Variants in TMTC1 observed in about 807,000 individuals in gnomAD.
TMTC1 encodes the protein transmembrane O-mannosyltransferase targeting cadherins 1, also known as protein O-mannosyl-transferase TMTC1.
Under a neutral mutation model 104.8 loss-of-function variants are expected in TMTC1, and 73 were observed. The observed-to-expected ratio is 0.70, with a 90% CI of 0.58 to 0.85. The LOEUF (loss-of-function observed/expected upper bound fraction) is 0.85, where lower values mean the gene tolerates loss of function less well. Among genes scored for constraint, TMTC1 ranks in the 40% least tolerant of loss-of-function variants. TMTC1 has a pLI of 0.00. For synonymous variants in TMTC1, 434 were observed against 428.7 expected (o/e 1.01, Z -0.15); for missense variants, 1,035 against 1,096.1 (o/e 0.94, Z 0.79).
intron 5 of TMTC1, among the ~76,000 whole-genome samples, chr12:29,738,290 A>G (rs967288299): frequency 1.7e-4 from 26 of 152,334 alleles, no homozygotes; most frequent in Admixed American, 1.7e-3. Context: ...TGTTAAATGT[A>G]AACAAGGAAG....
chr12:29,672,670 C>G (rs1309159933), intron 5 of TMTC1, among the ~76,000 whole-genome samples: 1 of 152,176 alleles, frequency 6.6e-6, no homozygotes, highest in Non-Finnish European at 1.5e-5. Context: ...TTCACATGCT[C>G]TGAAGCAACT....
chr12:29,771,601 G>T (rs948092537), intron 1 of TMTC1, among the ~76,000 whole-genome samples: 19 of 152,160 alleles, frequency 1.2e-4, no homozygotes, highest in Non-Finnish European at 2.6e-4. Flanking sequence ...ATTAAACAGC[G>T]AATTAAATGT....
At chr12:29,541,306 G>A (rs1400918929) in intron 10 of TMTC1, among the ~76,000 whole-genome samples, 1 of 152,092 alleles carries the variant, frequency 6.6e-6, no homozygotes, top group Non-Finnish European at 1.5e-5. Context: ...CCACTATATG[G>A]TAGTTAAAAG....
intron 6 of TMTC1, among the ~76,000 whole-genome samples, chr12:29,614,860 CT>C (rs1330681308): frequency 1.3e-5 from 2 of 152,172 alleles, no homozygotes; most frequent in Admixed American, 1.3e-4. Context: ...AAACTTGTTT[CT>C]TCAACAAGCC....
At chr12:29,548,690 T>C (rs1945006652) in intron 10 of TMTC1, among the ~76,000 whole-genome samples, 1 of 151,538 alleles carries the variant, frequency 6.6e-6, no homozygotes, top group Non-Finnish European at 1.5e-5. Flanking sequence ...GTCTCAGGTA[T>C]GTCTTTATTA....
At chr12:29,660,447 T>TAA (rs1372407421) in intron 5 of TMTC1, among the ~76,000 whole-genome samples, 1 of 152,166 alleles carries the variant, frequency 6.6e-6, no homozygotes, top group East Asian at 1.9e-4. Flanking sequence ...GTTGTTATAT[T>TAA]TAAGCCACTA....
intron 10 of TMTC1, among the ~76,000 whole-genome samples, chr12:29,549,909 AT>A (rs1483795651): frequency 6.6e-6 from 1 of 152,026 alleles, no homozygotes; most frequent in Non-Finnish European, 1.5e-5. Flanking sequence ...TCAGATTTGT[AT>A]TTTTTTCCTC....
intron 5 of TMTC1, among the ~76,000 whole-genome samples, chr12:29,700,638 T>C (rs1446716711): frequency 6.6e-6 from 1 of 152,196 alleles, no homozygotes; most frequent in Non-Finnish European, 1.5e-5. Flanking sequence ...GATGATAGCA[T>C]GGCTTACTAA....
chr12:29,738,664 T>TA (rs1436181914), intron 5 of TMTC1, among the ~76,000 whole-genome samples: 3 of 152,240 alleles, frequency 2.0e-5, no homozygotes, highest in Non-Finnish European at 4.4e-5. Flanking sequence ...ATGATGATTT[T>TA]AGTCAGAAAC....
intron 1 of TMTC1, among the ~76,000 whole-genome samples, chr12:29,773,636 C>A: frequency 6.6e-6 from 1 of 152,054 alleles, no homozygotes; most frequent in Non-Finnish European, 1.5e-5. Flanking sequence ...CTGGAGTTTT[C>A]CTGGAATAAA....
intron 2 of TMTC1, among the ~76,000 whole-genome samples, chr12:29,767,331 G>A (rs1943489444): frequency 6.6e-6 from 1 of 152,148 alleles, no homozygotes; most frequent in African/African-American, 2.4e-5. Flanking sequence ...CAGTATGTAA[G>A]GCTCCTAAGT....
chr12:29,520,634 A>C lies in TMTC1; in HGVS notation c.1872T>G (p.Val624=). The change falls in exon 12 of 18, where the codon GTT becomes GTG. Residue 624 remains valine (V), a synonymous_variant. Coordinates refer to ENST00000539277, the MANE Select transcript of TMTC1 (RefSeq NM_001193451.2). Reference sequence around the variant, plus strand: ...TTCACTTACCAGTATCAACTAAGAAAACCCCATAGTTGTTGTGTAAATCTG... The same window carrying C: ...TTCACTTACCAGTATCAACTAAGAACACCCCATAGTTGTTGTGTAAATCTG... ...DSSDLHNNYG[V]FLVDTGLPEK... The C allele has an allele frequency of 6.2e-7, 1 of 1,612,468 alleles. No individual in the cohort carries two copies.
intron 10 of TMTC1, among the ~76,000 whole-genome samples, chr12:29,541,598 G>A (rs1944798076): frequency 6.6e-6 from 1 of 150,648 alleles, no homozygotes; most frequent in Middle Eastern, 3.5e-3. Flanking sequence ...AAAAGCTTGG[G>A]TTACACATCA....
intron 7 of TMTC1, among the ~76,000 whole-genome samples, chr12:29,600,731 TC>T (rs1002123871): frequency 1.5e-4 from 23 of 152,172 alleles, no homozygotes; most frequent in African/African-American, 5.5e-4. Context: ...CCTCTAAGGG[TC>T]AGGAAAGCAC....
chr12:29,623,847 A>AAATT (rs1334531396), intron 6 of TMTC1, among the ~76,000 whole-genome samples: 1 of 152,088 alleles, frequency 6.6e-6, no homozygotes, highest in Non-Finnish European at 1.5e-5. Flanking sequence ...AAATTAAATT[A>AAATT]AATTAAATTA....
In TMTC1 at chr12:29,647,020, C is replaced by T. The variant is rs528039031; in HGVS notation, c.939-13684G>A. ...ATACAGAACAGCTTCAGCTTCGTTTCGAAAAAACATGTTTCTTTTTGAGAC... is the reference window on the plus strand; with the variant it reads ...ATACAGAACAGCTTCAGCTTCGTTTTGAAAAAACATGTTTCTTTTTGAGAC... On this transcript the variant is annotated intron_variant, in intron 5 of 17. Coordinates refer to ENST00000539277, the MANE Select transcript of TMTC1 (RefSeq NM_001193451.2). Among the ~76,000 whole-genome samples the T allele has an allele frequency of 6.6e-5, 10 of 152,172 alleles. No individual in the cohort carries two copies. The East Asian group carries it at 9.7e-4, about 15-fold the overall frequency.
At chr12:29,582,596 G>A (rs1263451578) in intron 8 of TMTC1, among the ~76,000 whole-genome samples, 2 of 152,106 alleles carry the variant, frequency 1.3e-5, no homozygotes, top group Non-Finnish European at 2.9e-5. Flanking sequence ...GGGTGTGCCG[G>A]GTTCTTCACT....
At chr12:29,594,313 G>C (rs2136365527) in intron 7 of TMTC1, among the ~76,000 whole-genome samples, 1 of 152,354 alleles carries the variant, frequency 6.6e-6, no homozygotes, top group South Asian at 2.1e-4. Context: ...CACTTTGGAA[G>C]CAAAGGCATA....
At chr12:29,724,173 T>A (rs1309252641) in intron 5 of TMTC1, among the ~76,000 whole-genome samples, 2 of 152,110 alleles carry the variant, frequency 1.3e-5, no homozygotes, top group South Asian at 4.1e-4. Context: ...CATTAGTAAT[T>A]AGGGAAAAAC....
Sources: allele counts gnomAD v4.1 joint callset (sites outside exome capture counted in the v4.1 genomes callset), GRCh38; gene constraint gnomAD v4.1.1; transcripts MANE v1.5; gene names NCBI Gene and HGNC (gene_info 2026-07-23, HGNC 2026-07-21).